RIC8B: variants seen among roughly 807,000 people sequenced by gnomAD.
The protein encoded by RIC8B is chaperone Ric-8B.
RIC8B carries 16 observed loss-of-function variants against 57.5 expected under a neutral mutation model. The ratio of observed to expected loss-of-function variants is 0.28; its 90% CI spans 0.19 to 0.42. The LOEUF is 0.42. RIC8B is among the 10% of genes least tolerant of loss of function. The probability of loss-of-function intolerance (pLI) is 1.00; values close to 1 mark genes in which losing one functional copy is unlikely to be tolerated. For synonymous variants in RIC8B, 216 were observed against 250.8 expected (o/e 0.86, Z 1.31); for missense variants, 481 against 677.0 (o/e 0.71, Z 3.21).
chr12:106,884,247 T>C (rs1951080039), intron 9 of RIC8B, among the ~76,000 whole-genome samples: 1 of 152,222 alleles, frequency 6.6e-6, no homozygotes, highest in Non-Finnish European at 1.5e-5. Flanking sequence ...TGCATATATT[T>C]GTTTTCCGTG....
At chr12:106,864,867 G>A (rs1305001814) in intron 8 of RIC8B, among the ~76,000 whole-genome samples, 3 of 152,082 alleles carry the variant, frequency 2.0e-5, no homozygotes, top group East Asian at 3.9e-4. Context: ...TTTACTTTCT[G>A]TCTCTATGGA....
intron 4 of RIC8B, among the ~76,000 whole-genome samples, chr12:106,830,239 T>C (rs1210290780): frequency 1.3e-5 from 2 of 152,214 alleles, no homozygotes; most frequent in Non-Finnish European, 2.9e-5. Flanking sequence ...TCATAAGGAT[T>C]GCGTTGAACC....
At chr12:106,814,008 C>T (rs79161735) in intron 2 of RIC8B, among the ~76,000 whole-genome samples, 1 of 152,116 alleles carries the variant, frequency 6.6e-6, no homozygotes, top group East Asian at 1.9e-4. Context: ...GGTTTGGAAC[C>T]AGAACTACTA....
chr12:106,797,200 T>C (rs1416916545), intron 2 of RIC8B, among the ~76,000 whole-genome samples: 3 of 152,182 alleles, frequency 2.0e-5, no homozygotes, highest in Non-Finnish European at 4.4e-5. Context: ...ACATGAAAAC[T>C]TGTACACAAA....
intron 1 of RIC8B, among the ~76,000 whole-genome samples, chr12:106,776,626 G>C (rs1288427348): frequency 1.3e-5 from 2 of 152,020 alleles, no homozygotes; most frequent in Non-Finnish European, 2.9e-5. Flanking sequence ...TCTTCTCATT[G>C]GTCTCCCTCC....
intron 4 of RIC8B, among the ~76,000 whole-genome samples, chr12:106,835,844 G>A (rs1376378677): frequency 6.6e-6 from 1 of 152,132 alleles, no homozygotes; most frequent in African/African-American, 2.4e-5. Context: ...TGGGTTAAAA[G>A]GTATTTCACT....
At chr12:106,860,719 A>C (rs529245403) in intron 8 of RIC8B, among the ~76,000 whole-genome samples, 1 of 152,278 alleles carries the variant, frequency 6.6e-6, no homozygotes, top group South Asian at 2.1e-4. Flanking sequence ...TCCTTTCCAT[A>C]GGTTAAGATT....
At position 106,835,693 on chromosome 12, in the gene RIC8B, A is replaced by G. The variant is rs145013963; in HGVS notation, c.837-6896A>G. Among the ~76,000 whole-genome samples, 17 of 152,334 alleles carry G rather than the reference A, an allele frequency of 1.1e-4. No individual in the cohort carries two copies. In the East Asian group the frequency reaches 2.1e-3, roughly 19 times the overall value. On this transcript the variant is annotated intron_variant, in intron 4 of 9. Transcript: ENST00000392837. ...TGGCACCTAGCACAAGGCATAGCAA[A>G]TATTATATTTGTTGAATGAATAAAG...
intron 1 of RIC8B, among the ~76,000 whole-genome samples, chr12:106,780,536 T>C (rs947852079): frequency 6.6e-6 from 1 of 152,332 alleles, no homozygotes; most frequent in Non-Finnish European, 1.5e-5. Context: ...GGACTTTTTG[T>C]TTTCTACTTT....
intron 3 of RIC8B, among the ~76,000 whole-genome samples, chr12:106,820,445 G>GTTTTAGAAAAGTTAATTGAA (rs1382588124): frequency 6.6e-6 from 1 of 152,178 alleles, no homozygotes. Flanking sequence ...TATAAAGTCA[G>GTTTTAGAAAAGTTAATTGAA]TTTTAGAAAA....
At chr12:106,778,618 A>C (rs2043600309) in intron 1 of RIC8B, among the ~76,000 whole-genome samples, 3 of 152,280 alleles carry the variant, frequency 2.0e-5, no homozygotes, top group South Asian at 4.1e-4. Flanking sequence ...AGGGAGATGG[A>C]AGTATTCTAT....
At chr12:106,789,704 G>C (rs1053143085) in intron 2 of RIC8B, among the ~76,000 whole-genome samples, 6 of 152,046 alleles carry the variant, frequency 3.9e-5, no homozygotes, top group Non-Finnish European at 8.8e-5. Context: ...GGAATTATGG[G>C]AGCACAATTC....
intron 6 of RIC8B, among the ~76,000 whole-genome samples, chr12:106,848,793 A>G (rs1011480198): frequency 7.9e-5 from 12 of 152,100 alleles, no homozygotes; most frequent in Admixed American, 1.3e-4. Context: ...TAAGAGGTCT[A>G]TAAAAGCCTG....
At position 106,886,133 on chromosome 12, in the gene RIC8B, G is replaced by T. The variant is rs1399741096; in HGVS notation, c.*118G>T. Reference sequence around the variant, plus strand: ...GCTTTGGCTAGAAACACATTAACTGGTTTACTCATTGAGAATCCAGCATAT... The same window carrying T: ...GCTTTGGCTAGAAACACATTAACTGTTTTACTCATTGAGAATCCAGCATAT... On this transcript the variant is annotated 3_prime_UTR_variant, in exon 10 of 10. Coordinates refer to ENST00000392837, the MANE Select transcript of RIC8B (RefSeq NM_001330145.2). 7 of 708,436 alleles carry T rather than the reference G, an allele frequency of 9.9e-6. No individual in the cohort carries two copies. Among genetic ancestry groups the T allele is most frequent in the Non-Finnish European group, 1.7e-5 (7 of 416,040 alleles). 43.9% of individuals were successfully genotyped at this position (708,436 alleles called of 1,614,324 possible). A position where few individuals can be genotyped will look rare whatever the true frequency, so the allele number is the denominator to read the frequency against.
intron 8 of RIC8B, among the ~76,000 whole-genome samples, chr12:106,868,027 C>G (rs1950213306): frequency 6.6e-6 from 1 of 152,096 alleles, no homozygotes; most frequent in Admixed American, 6.5e-5. Context: ...CAGAGCAAAC[C>G]ATTATATCAT....
At chr12:106,784,788 A>G (rs1003236234) in intron 2 of RIC8B, among the ~76,000 whole-genome samples, 16 of 152,204 alleles carry the variant, frequency 1.1e-4, no homozygotes, top group Non-Finnish European at 1.5e-4. Flanking sequence ...GCTTAAATCC[A>G]GTATTTTGCT....
chr12:106,829,243 G>C (rs2046248374), intron 4 of RIC8B, among the ~76,000 whole-genome samples: 1 of 152,008 alleles, frequency 6.6e-6, no homozygotes, highest in Non-Finnish European at 1.5e-5. Context: ...TCATTTCTAT[G>C]TGCCTGAAAG....
intron 9 of RIC8B, among the ~76,000 whole-genome samples, chr12:106,885,085 C>G (rs1168412205): frequency 6.6e-6 from 1 of 152,150 alleles, no homozygotes; most frequent in Non-Finnish European, 1.5e-5. Context: ...TCACCATAAT[C>G]TCCATGTAAT....
intron 2 of RIC8B, among the ~76,000 whole-genome samples, chr12:106,786,291 A>G (rs10746067): frequency 0.35 from 52,348 of 151,318 alleles, 9,114 homozygotes; most frequent in South Asian, 0.38. Flanking sequence ...CTGGGACTAC[A>G]GGCGCCCGCA....
Sources: gnomAD v4.1 joint callset for allele counts (sites outside exome capture counted in the v4.1 genomes callset) on GRCh38, gnomAD v4.1.1 for gene constraint, MANE v1.5 for transcripts, NCBI Gene and HGNC (gene_info 2026-07-23, HGNC 2026-07-21) for gene names.